Variants in GNRH1 observed in about 807,000 individuals in gnomAD.
GNRH1 encodes the protein gonadotropin releasing hormone 1.
GNRH1 carries 9 observed loss-of-function variants against 13.6 expected under a neutral mutation model. The ratio of observed to expected loss-of-function variants is 0.66; its 90% CI spans 0.40 to 1.15. The LOEUF is 1.15. GNRH1 is among the 50% of genes most tolerant of loss of function. The pLI, the probability that GNRH1 is intolerant of heterozygous loss-of-function variation, is 0.01. For missense variants in GNRH1, 116 were observed against 110.8 expected, an observed-to-expected ratio of 1.05 and a Z score of -0.21; for synonymous variants, 44 against 40.1, an observed-to-expected ratio of 1.10 and a Z score of -0.37.
chr8:25,420,913 G>C (rs1233986841), intron 3 of GNRH1, among the ~76,000 whole-genome samples: 5 of 152,030 alleles, frequency 3.3e-5, no homozygotes, highest in African/African-American at 1.2e-4. Flanking sequence ...TTTTTTAAAA[G>C]ATTCAATTTA....
In GNRH1 at chr8:25,423,196, G is replaced by T. The variant is rs1391054774; in HGVS notation, c.135C>A (p.Phe45Leu). ...GAAGCTGAGAGAAACTTACCTCTTGGAAAGAATCAATCAAATTTTCGGCAT... is the reference window on the plus strand; with the variant it reads ...GAAGCTGAGAGAAACTTACCTCTTGTAAAGAATCAATCAAATTTTCGGCAT... ...KRDAENLIDS[F>L]QEIVKEVGQL... Residue 45 changes from phenylalanine to leucine, a missense_variant, in exon 2 of 4, where the codon TTC becomes TTA. Phe to Leu is a conservative substitution (Grantham distance 22). Transcript: ENST00000421054. 1.2e-6 allele frequency: 2 copies of T among 1,609,828 alleles called. No individual in the cohort carries two copies. The highest frequency in any genetic ancestry group is 3.3e-5 in the Admixed American group (2 of 59,996).
upstream of GNRH1, chr8:25,424,769 A>G (rs1402846711): frequency 2.0e-5 from 3 of 152,208 alleles, no homozygotes; most frequent in Non-Finnish European, 4.4e-5. Flanking sequence ...TAAAAATCTG[A>G]TTTACAAGTA....
At chr8:25,419,655 T>C (rs535331122) in intron 3 of GNRH1, among the ~76,000 whole-genome samples, 195 bp from the exon 4 acceptor site, 1 of 151,452 alleles carries the variant, frequency 6.6e-6, no homozygotes, top group Non-Finnish European at 1.5e-5. Flanking sequence ...AGAACCTCAC[T>C]CTGTCACCCA....
chr8:25,422,945 G>A (rs926227281), intron 2 of GNRH1, among the ~76,000 whole-genome samples: 4 of 152,122 alleles, frequency 2.6e-5, no homozygotes, highest in Non-Finnish European at 5.9e-5. Context: ...TACACTCAGA[G>A]TATGACGTGC....
chr8:25,421,049 C>T (rs1043957394), intron 3 of GNRH1, among the ~76,000 whole-genome samples: 2 of 152,020 alleles, frequency 1.3e-5, no homozygotes, highest in African/African-American at 4.8e-5. Context: ...GTCCATCACT[C>T]TCTAAATTAT....
At chr8:25,421,926 AG>A (rs1801778914) in intron 2 of GNRH1, among the ~76,000 whole-genome samples, 1 of 152,078 alleles carries the variant, frequency 6.6e-6, no homozygotes, top group Non-Finnish European at 1.5e-5. Context: ...GAAAAGAGGG[AG>A]GCACTTTGAG....
intron 2 of GNRH1, among the ~76,000 whole-genome samples, chr8:25,422,057 A>G (rs1801781457): frequency 6.6e-6 from 1 of 152,186 alleles, no homozygotes; most frequent in Non-Finnish European, 1.5e-5. Flanking sequence ...TAGTTCAATG[A>G]GATTTGCTTC....
rs1354352642 is a variant in GNRH1 at position 25,421,623 on chromosome 8, A to G, written c.187T>C (p.Cys63Arg). ...GQLAETQRFE[C>R]TTHQPRSPLR... ...GGAGAACGTGGCTGGTGCGTGGTGCATTCGAAGCGTTGGGTTTCTGCCAGT... is the reference window on the plus strand; with the variant it reads ...GGAGAACGTGGCTGGTGCGTGGTGCGTTCGAAGCGTTGGGTTTCTGCCAGT... Residue 63 changes from cysteine to arginine, a missense_variant, in exon 3 of 4, where the codon TGC becomes CGC. Transcript: ENST00000421054. 4.4e-6 allele frequency: 7 copies of G among 1,607,630 alleles called. No individual in the cohort carries two copies. The African/African-American group carries it at 9.4e-5, about 21-fold the overall frequency.
At chr8:25,419,924 T>C (rs1263691779) in intron 3 of GNRH1, among the ~76,000 whole-genome samples, 2 of 151,954 alleles carry the variant, frequency 1.3e-5, no homozygotes. Context: ...GCCTGGCCGA[T>C]TGGGTCTTTT....
chr8:25,423,345 A>C lies in GNRH1; in HGVS notation c.-1-14T>G. Reference sequence around the variant, plus strand: ...ATTGGCTTCATTCTAAGGCACATGAATGCACAATCAAATTAGATCCAGACA... The same window carrying C: ...ATTGGCTTCATTCTAAGGCACATGACTGCACAATCAAATTAGATCCAGACA... On this transcript the variant is annotated splice_polypyrimidine_tract_variant and intron_variant, in intron 1 of 3. Transcript: ENST00000421054. 6.2e-7 allele frequency: 1 copy of C among 1,610,414 alleles called. No individual in the cohort carries two copies. The highest frequency in any genetic ancestry group is 8.5e-7 in the Non-Finnish European group (1 of 1,176,692).
In GNRH1 at chr8:25,419,317, A is replaced by G; in HGVS notation, c.*102T>C. On this transcript the variant is annotated 3_prime_UTR_variant, in exon 4 of 4. Coordinates refer to ENST00000421054, the MANE Select transcript of GNRH1 (RefSeq NM_001083111.2). ...GTGCAACTTGGTGTAAGGATTTCTGAAATTCATACCATTTACAGGTATTTA... is the reference window on the plus strand; with the variant it reads ...GTGCAACTTGGTGTAAGGATTTCTGGAATTCATACCATTTACAGGTATTTA... 1 of 780,966 alleles carries G rather than the reference A, an allele frequency of 1.3e-6. No individual in the cohort carries two copies. The allele number at this position is 780,966 out of a possible 1,614,324, so 48.4% of individuals were successfully genotyped here.
Position 25,423,297 on chromosome 8 carries a change from T to C in GNRH1, c.34A>G (p.Ile12Val), listed in dbSNP as rs890276715. The change falls in exon 2 of 4, where the codon ATT (isoleucine) becomes GTT (valine). Residue 12 changes from isoleucine (I) to valine (V), a missense_variant. Physicochemically the swap from Ile to Val is conservative, Grantham distance 29 (BLOSUM62 3). Coordinates refer to ENST00000421054, the MANE Select transcript of GNRH1 (RefSeq NM_001083111.2). ...KPIQKLLAGL[I>V]LLTWCVEGCS... ...CCTTCCACGCACCAAGTCAGTAGAA[T>C]AAGGCCAGCTAGGAGTTTTTGAATT... The C allele has an allele frequency of 6.2e-7, 1 of 1,612,384 alleles. No homozygotes were observed.
rs540638087 is a variant in GNRH1, at chr8:25,420,264, A to G, written c.238-804T>C. On this transcript the variant is annotated intron_variant, in intron 3 of 3. Coordinates refer to ENST00000421054, the MANE Select transcript of GNRH1 (RefSeq NM_001083111.2). ...CCCCATCTCTACTAAAAATACAAAA[A>G]TTAGTCCAGTGTGGTGGCTCATGCC... Among the ~76,000 whole-genome samples the G allele has an allele frequency of 1.5e-3, 234 of 152,114 alleles. 1 individual carries two copies. Among genetic ancestry groups the G allele is most frequent in the African/African-American group, 5.4e-3 (226 of 41,494 alleles).
intron 2 of GNRH1, among the ~76,000 whole-genome samples, chr8:25,422,651 C>T (rs531381666): frequency 7.2e-5 from 11 of 152,262 alleles, no homozygotes; most frequent in East Asian, 5.8e-4. Flanking sequence ...TTTTCTACTA[C>T]GTTATCTTAT....
rs768055858 is a variant in GNRH1 at position 25,419,463 on chromosome 8, GA to G, written c.238-4del. 7 of 1,383,006 alleles carry G rather than the reference GA, an allele frequency of 5.1e-6. No homozygotes were observed. The highest frequency in any genetic ancestry group is 1.4e-5 in the African/African-American group (1 of 70,492). The allele number at this position is 1,383,006 out of a possible 1,614,324, so 85.7% of individuals were successfully genotyped here. On this transcript the variant is annotated splice_region_variant and splice_polypyrimidine_tract_variant and intron_variant, in intron 3 of 3. Coordinates refer to ENST00000421054, the MANE Select transcript of GNRH1 (RefSeq NM_001083111.2). Reference sequence around the variant, plus strand: ...GTTTCCTCTTCAATCAGACTTTCCTGAAAAATATATAACAAATATATCAAGA... The same window carrying G: ...GTTTCCTCTTCAATCAGACTTTCCTGAAAATATATAACAAATATATCAAGA...
At position 25,423,202 on chromosome 8, in the gene GNRH1, A is replaced by G; in HGVS notation, c.129T>C (p.Asp43=). 6.2e-7 allele frequency: 1 copy of G among 1,611,286 alleles called. No homozygotes were observed. The highest frequency in any genetic ancestry group is 1.1e-5 in the South Asian group (1 of 91,028). ...GAGAGAAACTTACCTCTTGGAAAGA[A>G]TCAATCAAATTTTCGGCATCTCTCT... ...GGKRDAENLI[D]SFQEIVKEVG... is the part of the protein sequence containing the mutation. The change falls in exon 2 of 4, where the codon GAT becomes GAC. Residue 43 remains aspartate, a synonymous_variant. Coordinates refer to ENST00000421054, the MANE Select transcript of GNRH1 (RefSeq NM_001083111.2).
intron 2 of GNRH1, 74 bp from the exon 3 acceptor site, chr8:25,421,742 A>ATT: frequency 2.3e-6 from 1 of 430,958 alleles, no homozygotes; most frequent in African/African-American, 2.4e-5. Flanking sequence ...CCACCAAAAA[A>ATT]TTGTGGAGAG....
intron 3 of GNRH1, among the ~76,000 whole-genome samples, chr8:25,421,255 A>G (rs1801768555): frequency 6.6e-6 from 1 of 152,234 alleles, no homozygotes; most frequent in African/African-American, 2.4e-5. Context: ...ACTTGAAGAA[A>G]TGAAATGCAG....
At chr8:25,420,985 T>G (rs150227187) in intron 3 of GNRH1, among the ~76,000 whole-genome samples, 1 of 152,182 alleles carries the variant, frequency 6.6e-6, no homozygotes, top group Non-Finnish European at 1.5e-5. Context: ...TATTTCCATT[T>G]TGGGGGGCGG....
Sources: gnomAD v4.1 joint callset for allele counts (sites outside exome capture counted in the v4.1 genomes callset) on GRCh38, gnomAD v4.1.1 for gene constraint, MANE v1.5 for transcripts, NCBI Gene and HGNC (gene_info 2026-07-23, HGNC 2026-07-21) for gene names.